The following EYS variants were observed in gnomAD, a reference collection of about 807,000 sequenced individuals.
The protein encoded by EYS is protein eyes shut homolog.
Under a neutral mutation model 282.1 loss-of-function variants are expected in EYS, and 250 were observed. The observed-to-expected ratio is 0.89, with a 90% CI of 0.80 to 0.98. The LOEUF is 0.98. EYS is among the 50% of genes least tolerant of loss of function. EYS has a pLI of 0.00. For synonymous variants in EYS, 1,355 were observed against 1,282.9 expected, an observed-to-expected ratio of 1.06 and a Z score of -1.20; for missense variants, 4,016 against 3,709.0, an observed-to-expected ratio of 1.08 and a Z score of -2.15.
chr6:64,487,295 T>G lies in EYS; in HGVS notation c.5645-47943A>C, dbSNP rs78142755. On this transcript the variant is annotated intron_variant, in intron 26 of 42. Transcript: ENST00000503581. ...CCAAAATGTTTGTTAATGTATAAAC[T>G]GCTTATACATTATTCTTAACCTGAA... 9.4e-3 allele frequency among the ~76,000 whole-genome samples: 1,422 copies of G among 151,262 alleles called. 25 individuals carry two copies. The highest frequency in any genetic ancestry group is 0.033 in the African/African-American group (1,357 of 41,420).
At chr6:65,509,340 A>G (rs963151891) in intron 2 of EYS, among the ~76,000 whole-genome samples, 3 of 152,192 alleles carry the variant, frequency 2.0e-5, no homozygotes, top group African/African-American at 7.2e-5. Flanking sequence ...TTTATATTAC[A>G]CATTCCCATC....
intron 31 of EYS, among the ~76,000 whole-genome samples, chr6:64,100,686 A>G (rs1295109175): frequency 6.6e-6 from 1 of 152,160 alleles, no homozygotes; most frequent in Non-Finnish European, 1.5e-5. Context: ...TCATACTGGC[A>G]CTTCTTATAT....
At chr6:65,609,619 T>G (rs1382993494) in intron 2 of EYS, among the ~76,000 whole-genome samples, 4 of 152,118 alleles carry the variant, frequency 2.6e-5, no homozygotes, top group Admixed American at 2.6e-4. Flanking sequence ...GGCAGTGTAT[T>G]ATAATATCAT....
intron 12 of EYS, among the ~76,000 whole-genome samples, chr6:65,199,647 G>C (rs937081953): frequency 1.3e-5 from 2 of 152,070 alleles, no homozygotes; most frequent in Admixed American, 6.6e-5. Context: ...ACATTATTCT[G>C]TTCAAGAAAG....
intron 30 of EYS, among the ~76,000 whole-genome samples, chr6:64,293,578 G>A (rs576399905): frequency 6.6e-6 from 1 of 152,158 alleles, no homozygotes; most frequent in East Asian, 1.9e-4. Context: ...GGAAAAATTT[G>A]AGAATGTGTA....
intron 35 of EYS, among the ~76,000 whole-genome samples, chr6:63,895,389 C>T (rs1014561495): frequency 4.6e-5 from 7 of 152,206 alleles, no homozygotes; most frequent in African/African-American, 1.2e-4. Context: ...AATCATTTAA[C>T]ACCTGTTTTA....
intron 12 of EYS, among the ~76,000 whole-genome samples, chr6:65,133,321 C>A (rs892838217): frequency 2.6e-5 from 4 of 151,504 alleles, no homozygotes; most frequent in South Asian, 2.1e-4. Context: ...ACCAAACAAG[C>A]AAACAACAAC....
At chr6:63,942,426 A>G (rs1292104875) in intron 35 of EYS, among the ~76,000 whole-genome samples, 1 of 152,194 alleles carries the variant, frequency 6.6e-6, no homozygotes, top group Non-Finnish European at 1.5e-5. Context: ...GAGAAATTCA[A>G]CAGCTTAGTA....
At chr6:65,378,786 A>T (rs1031984085) in intron 8 of EYS, among the ~76,000 whole-genome samples, 6 of 141,606 alleles carry the variant, frequency 4.2e-5, no homozygotes, top group African/African-American at 1.7e-4. Context: ...ACACAGGAAC[A>T]TAATACCGAA....
chr6:64,745,954 C>T (rs984041846), intron 22 of EYS, among the ~76,000 whole-genome samples: 5 of 152,002 alleles, frequency 3.3e-5, no homozygotes, highest in Non-Finnish European at 7.4e-5. Flanking sequence ...GTAGTAGCCT[C>T]CAAAGGCTAG....
intron 22 of EYS, among the ~76,000 whole-genome samples, chr6:64,673,525 T>C (rs1342692021): frequency 6.6e-6 from 1 of 152,138 alleles, no homozygotes; most frequent in East Asian, 1.9e-4. Context: ...ACAGAACTTT[T>C]AAAAGTCACT....
At chr6:64,149,552 T>TAGC (rs527463119) in intron 31 of EYS, among the ~76,000 whole-genome samples, 88 of 152,276 alleles carry the variant, frequency 5.8e-4, no homozygotes, top group Non-Finnish European at 1.2e-3. Context: ...AGATGCCAAA[T>TAGC]AGCAGCAGCA....
At chr6:64,454,381 T>G (rs1775483240) in intron 26 of EYS, among the ~76,000 whole-genome samples, 1 of 152,158 alleles carries the variant, frequency 6.6e-6, no homozygotes, top group Non-Finnish European at 1.5e-5. Context: ...CCCTTTTATA[T>G]AAATATTGAA....
intron 5 of EYS, among the ~76,000 whole-genome samples, chr6:65,423,208 A>G (rs187771188): frequency 6.6e-6 from 1 of 151,868 alleles, no homozygotes; most frequent in South Asian, 2.1e-4. Flanking sequence ...AAGGGGGAGG[A>G]GTAAATATCT....
At chr6:63,753,202 G>A (rs1769389119) in intron 41 of EYS, among the ~76,000 whole-genome samples, 1 of 143,208 alleles carries the variant, frequency 7.0e-6, no homozygotes, top group East Asian at 2.0e-4. Context: ...TCTCTTTTAT[G>A]CTATTCTTAT....
intron 30 of EYS, among the ~76,000 whole-genome samples, chr6:64,235,494 G>A (rs1050961691): frequency 3.9e-5 from 6 of 152,118 alleles, no homozygotes; most frequent in African/African-American, 1.4e-4. Flanking sequence ...TATCATTTGT[G>A]GACATTTGGG....
At chr6:64,220,978 T>C (rs1311828439) in intron 31 of EYS, among the ~76,000 whole-genome samples, 1 of 152,266 alleles carries the variant, frequency 6.6e-6, no homozygotes, top group East Asian at 1.9e-4. Context: ...GAGGATTAAA[T>C]GAGTCACTGC....
rs1260312589 is a variant in EYS, at chr6:65,026,916, C to CA, written c.2138-29214dup. ...TGGGCGACAGAGTGAGACTCCGTCT[C>CA]AAAAAAAAAAAAAAGATTCAGATAT... On this transcript the variant is annotated intron_variant, in intron 13 of 42. Coordinates refer to ENST00000503581, the MANE Select transcript of EYS (RefSeq NM_001142800.2). Among the ~76,000 whole-genome samples the CA allele has an allele frequency of 9.3e-3, 1,005 of 107,736 alleles. 29 individuals are homozygous for CA. Among genetic ancestry groups the CA allele is most frequent in the African/African-American group, 0.026 (804 of 30,622 alleles). The allele number at this position is 107,736 out of a possible 152,430, so 70.7% of individuals were successfully genotyped here. A position where few individuals can be genotyped will look rare whatever the true frequency, so the allele number is the denominator to read the frequency against.
intron 13 of EYS, among the ~76,000 whole-genome samples, chr6:65,008,869 TG>T (rs1771775323): frequency 6.6e-6 from 1 of 152,154 alleles, no homozygotes; most frequent in Non-Finnish European, 1.5e-5. Flanking sequence ...TCTCCTGTCT[TG>T]GACAACTGTC....
Sources: gnomAD v4.1 joint callset for allele counts (sites outside exome capture counted in the v4.1 genomes callset) on GRCh38, gnomAD v4.1.1 for gene constraint, MANE v1.5 for transcripts, NCBI Gene and HGNC (gene_info 2026-07-23, HGNC 2026-07-21) for gene names.